The following CFAP299 variants were observed in gnomAD, a reference collection of about 807,000 sequenced individuals.
CFAP299 encodes the protein cilia and flagella associated protein 299.
CFAP299 carries 21 observed loss-of-function variants against 27.0 expected under a neutral mutation model. The observed-to-expected ratio is 0.78, with a 90% CI of 0.55 to 1.12. The LOEUF is 1.12. Ranked by LOEUF, CFAP299 falls within the 50% of genes most tolerant of loss-of-function variation. The pLI is 0.00. For synonymous variants in CFAP299, 104 were observed against 98.1 expected (o/e 1.06, Z -0.36); for missense variants, 310 against 276.6 (o/e 1.12, Z -0.86).
chr4:80,927,817 CA>C (rs1469297661), intron 4 of CFAP299, among the ~76,000 whole-genome samples: 3 of 152,052 alleles, frequency 2.0e-5, no homozygotes, highest in Non-Finnish European at 4.4e-5. Context: ...CTGAATAATC[CA>C]GAATAATCTT....
chr4:80,450,124 G>T (rs914441180), intron 2 of CFAP299, among the ~76,000 whole-genome samples: 1 of 152,068 alleles, frequency 6.6e-6, no homozygotes, highest in Non-Finnish European at 1.5e-5. Context: ...TAAATTGACT[G>T]AAAAAACTCA....
chr4:80,389,617 A>G (rs1008243829), intron 2 of CFAP299, among the ~76,000 whole-genome samples: 2 of 152,152 alleles, frequency 1.3e-5, no homozygotes, highest in African/African-American at 4.8e-5. Flanking sequence ...ATTTGAGGAG[A>G]AAGGCTTGAC....
At chr4:80,375,882 C>T (rs1442821637) in intron 2 of CFAP299, among the ~76,000 whole-genome samples, 1 of 152,182 alleles carries the variant, frequency 6.6e-6, no homozygotes, top group Non-Finnish European at 1.5e-5. Context: ...AGTTAAGAAC[C>T]AGAAGGTGTC....
intron 3 of CFAP299, among the ~76,000 whole-genome samples, chr4:80,736,716 G>C (rs1560725388): frequency 6.6e-6 from 1 of 152,160 alleles, no homozygotes; most frequent in Non-Finnish European, 1.5e-5. Context: ...CTGTTGGTGG[G>C]ACTGTAAACT....
At chr4:80,705,325 A>G (rs1721756803) in intron 3 of CFAP299, among the ~76,000 whole-genome samples, 1 of 151,788 alleles carries the variant, frequency 6.6e-6, no homozygotes. Context: ...ACTTTAGCAC[A>G]TGGCTGCCAA....
chr4:80,641,721 C>A (rs151008895), intron 3 of CFAP299, among the ~76,000 whole-genome samples: 1 of 152,094 alleles, frequency 6.6e-6, no homozygotes, highest in African/African-American at 2.4e-5. Flanking sequence ...AAAGACTACA[C>A]GGGACATCAC....
At chr4:80,827,407 A>T (rs1053450140) in intron 3 of CFAP299, among the ~76,000 whole-genome samples, 1 of 151,880 alleles carries the variant, frequency 6.6e-6, no homozygotes, top group South Asian at 2.1e-4. Flanking sequence ...CTTAAGCATG[A>T]TCAACACAAA....
intron 1 of CFAP299, among the ~76,000 whole-genome samples, chr4:80,349,182 G>C (rs1722903372): frequency 6.6e-6 from 1 of 152,196 alleles, no homozygotes; most frequent in Non-Finnish European, 1.5e-5. Flanking sequence ...ACTTGACACA[G>C]ATGTTGGAGA....
chr4:80,419,326 C>G (rs1727173102), intron 2 of CFAP299, among the ~76,000 whole-genome samples: 1 of 152,170 alleles, frequency 6.6e-6, no homozygotes, highest in African/African-American at 2.4e-5. Context: ...GGGCTGTTCA[C>G]ATGCGCAGTG....
rs530608253 is a variant in CFAP299, at chr4:80,681,780, G to T, written c.333+98597G>T. 2.1e-3 allele frequency among the ~76,000 whole-genome samples: 314 copies of T among 152,302 alleles called. 3 individuals carry two copies. The highest frequency in any genetic ancestry group is 3.3e-3 in the South Asian group (16 of 4,830). On this transcript the variant is annotated intron_variant, in intron 3 of 5. Coordinates refer to ENST00000358105, the MANE Select transcript of CFAP299 (RefSeq NM_152770.3). ...CAGTGACTATCAAATATTCTGTAAAGTCTTCTAAGCCCATGAATACTTTGT... is the reference window on the plus strand; with the variant it reads ...CAGTGACTATCAAATATTCTGTAAATTCTTCTAAGCCCATGAATACTTTGT...
At chr4:80,549,003 C>T (rs1447793134) in intron 2 of CFAP299, among the ~76,000 whole-genome samples, 1 of 152,076 alleles carries the variant, frequency 6.6e-6, no homozygotes, top group Non-Finnish European at 1.5e-5. Context: ...TGGGAAAAAT[C>T]ATCACATGTT....
chr4:80,420,266 AG>A (rs1281076742), intron 2 of CFAP299: 5 of 455,456 alleles, frequency 1.1e-5, no homozygotes, highest in Non-Finnish European at 2.2e-5. Context: ...AAAGCCTCAA[AG>A]AAAACCTGTT....
chr4:80,668,458 T>C (rs1335508986), intron 3 of CFAP299, among the ~76,000 whole-genome samples: 1 of 152,208 alleles, frequency 6.6e-6, no homozygotes, highest in African/African-American at 2.4e-5. Flanking sequence ...CTTCAGTCTG[T>C]AATCTATTTT....
intron 3 of CFAP299, among the ~76,000 whole-genome samples, chr4:80,604,137 C>A (rs1242047355): frequency 1.3e-5 from 2 of 151,970 alleles, no homozygotes; most frequent in East Asian, 1.9e-4. Flanking sequence ...AGGGAGGACC[C>A]AAATCAAAAG....
At chr4:80,927,661 C>T (rs1188437347) in intron 4 of CFAP299, among the ~76,000 whole-genome samples, 1 of 152,062 alleles carries the variant, frequency 6.6e-6, no homozygotes, top group Non-Finnish European at 1.5e-5. Flanking sequence ...AATCTAGTTC[C>T]TTCTGGCTAT....
chr4:80,366,408 G>T (rs1405479291), intron 2 of CFAP299, among the ~76,000 whole-genome samples: 1 of 152,178 alleles, frequency 6.6e-6, no homozygotes, highest in Non-Finnish European at 1.5e-5. Flanking sequence ...GAAAGTTAAA[G>T]ATATCAGGAA....
chr4:80,866,211 C>T (rs1318267870), intron 3 of CFAP299, among the ~76,000 whole-genome samples: 8 of 150,350 alleles, frequency 5.3e-5, no homozygotes, highest in Admixed American at 4.7e-4. Context: ...AGGTGATTAT[C>T]GTTTTTGCAT....
At chr4:80,590,128 A>G (rs1287806027) in intron 3 of CFAP299, among the ~76,000 whole-genome samples, 2 of 152,176 alleles carry the variant, frequency 1.3e-5, no homozygotes, top group African/African-American at 4.8e-5. Flanking sequence ...TATTATTTAT[A>G]TCAACATAGG....
rs968681898 is a variant in CFAP299 at position 80,861,503 on chromosome 4, C to T, written c.334-8490C>T. On this transcript the variant is annotated intron_variant, in intron 3 of 5. Transcript: ENST00000358105. Reference sequence around the variant, plus strand: ...TGCAGAAATCACCCGTCTTCTGCGTCACTCATGCTGGGAGCTGTAGACTGG... The same window carrying T: ...TGCAGAAATCACCCGTCTTCTGCGTTACTCATGCTGGGAGCTGTAGACTGG... Among the ~76,000 whole-genome samples, 6 of 152,206 alleles carry T rather than the reference C, an allele frequency of 3.9e-5. No homozygotes were observed. The South Asian group carries it at 1.0e-3, about 26-fold the overall frequency.
Sources: allele counts gnomAD v4.1 joint callset (sites outside exome capture counted in the v4.1 genomes callset), GRCh38; gene constraint gnomAD v4.1.1; transcripts MANE v1.5; gene names NCBI Gene and HGNC (gene_info 2026-07-23, HGNC 2026-07-21).